Variants in NUDCD1 observed in about 807,000 individuals in gnomAD.
NUDCD1 encodes NudC domain containing 1, also known as nudC domain-containing protein 1.
Under a neutral mutation model 67.8 loss-of-function variants are expected in NUDCD1, and 60 were observed. The observed-to-expected ratio is 0.88, with a 90% CI of 0.72 to 1.10. The LOEUF (loss-of-function observed/expected upper bound fraction) is 1.10, where lower values mean the gene tolerates loss of function less well. NUDCD1 is among the 50% of genes least tolerant of loss of function. The pLI is 0.00. For synonymous variants in NUDCD1, 244 were observed against 230.8 expected (o/e 1.06, Z -0.52); for missense variants, 643 against 695.0 (o/e 0.93, Z 0.84).
intron 7 of NUDCD1, among the ~76,000 whole-genome samples, chr8:109,272,017 G>C (rs1323182909): frequency 6.6e-6 from 1 of 151,414 alleles, no homozygotes; most frequent in Admixed American, 6.6e-5. Flanking sequence ...TTTATCACCA[G>C]CAAATCTACA....
At chr8:109,320,782 G>A (rs1815515610) in intron 2 of NUDCD1, among the ~76,000 whole-genome samples, 1 of 152,192 alleles carries the variant, frequency 6.6e-6, no homozygotes, top group African/African-American at 2.4e-5. Context: ...GCTAATATAT[G>A]TCCATGAAAT....
At chr8:109,327,351 C>T (rs1283905890) in intron 1 of NUDCD1, among the ~76,000 whole-genome samples, 1 of 152,152 alleles carries the variant, frequency 6.6e-6, no homozygotes, top group African/African-American at 2.4e-5. Context: ...TTATAGTCAA[C>T]TCTACATAAA....
At chr8:109,307,495 T>A (rs111695443) in intron 2 of NUDCD1, among the ~76,000 whole-genome samples, 7 of 152,190 alleles carry the variant, frequency 4.6e-5, no homozygotes, top group African/African-American at 1.4e-4. Context: ...GAGCTCTACA[T>A]CTTGAAACAA....
rs1813466989 is a variant in NUDCD1, at chr8:109,245,303, CAA to C, written c.1459+17_1459+18del. On this transcript the variant is annotated intron_variant, in intron 9 of 9. Transcript: ENST00000239690. ...GTATTTCTGATTTCATGGAAAATGT[CAA>C]AGAGTTTGCTTTATACCTAAAGCAT... 2.5e-6 allele frequency: 4 copies of C among 1,589,354 alleles called. No homozygotes were observed. Among genetic ancestry groups the C allele is most frequent in the Admixed American group, 1.8e-5 (1 of 55,514 alleles).
chr8:109,327,611 T>A lies in NUDCD1; in HGVS notation c.119-5148A>T, dbSNP rs144837205. ...AATTGTACCAAAACATTGACAAGCT[T>A]CAGTCGAAATATGCAATGTATTTAC... On this transcript the variant is annotated intron_variant, in intron 1 of 9. Coordinates refer to ENST00000239690, the MANE Select transcript of NUDCD1 (RefSeq NM_032869.4). Among the ~76,000 whole-genome samples the A allele has an allele frequency of 4.9e-3, 747 of 152,334 alleles. 4 individuals carry two copies. The highest frequency in any genetic ancestry group is 7.5e-3 in the Non-Finnish European group (510 of 68,024).
At chr8:109,333,334 G>C (rs1272210589) in intron 1 of NUDCD1, among the ~76,000 whole-genome samples, 2 of 152,212 alleles carry the variant, frequency 1.3e-5, no homozygotes, top group Non-Finnish European at 2.9e-5. Context: ...AGGAGTAGCA[G>C]TGTGGGAGTA....
intron 2 of NUDCD1, among the ~76,000 whole-genome samples, chr8:109,314,955 C>A (rs778318998): frequency 1.3e-5 from 2 of 151,884 alleles, no homozygotes; most frequent in Non-Finnish European, 2.9e-5. Context: ...AAAAAATAAG[C>A]AAGTGGGGAT....
At chr8:109,326,360 A>G (rs1815682176) in intron 1 of NUDCD1, among the ~76,000 whole-genome samples, 2 of 152,214 alleles carry the variant, frequency 1.3e-5, no homozygotes, top group South Asian at 2.1e-4. Flanking sequence ...TCACATGATG[A>G]TGACCATGTC....
At chr8:109,317,815 C>T (rs995932559) in intron 2 of NUDCD1, among the ~76,000 whole-genome samples, 2 of 152,176 alleles carry the variant, frequency 1.3e-5, no homozygotes, top group African/African-American at 4.8e-5. Flanking sequence ...CATTTTCACA[C>T]ACCTTGCTTT....
chr8:109,260,223 T>G (rs2129911836), intron 8 of NUDCD1, among the ~76,000 whole-genome samples: 1 of 152,350 alleles, frequency 6.6e-6, no homozygotes, highest in South Asian at 2.1e-4. Flanking sequence ...AAGGTCTCAC[T>G]CTGTTGTAGG....
intron 1 of NUDCD1, among the ~76,000 whole-genome samples, chr8:109,333,489 G>T (rs1815865035): frequency 6.6e-6 from 1 of 152,178 alleles, no homozygotes; most frequent in African/African-American, 2.4e-5. Flanking sequence ...AGGAACTGGG[G>T]GTCCTCCAAG....
At chr8:109,315,104 G>A (rs1186857003) in intron 2 of NUDCD1, 1 of 152,088 alleles carries the variant, frequency 6.6e-6, no homozygotes, top group African/African-American at 2.4e-5. Context: ...TTATTTGGAA[G>A]AAAGAACATA....
At position 109,289,869 on chromosome 8, in the gene NUDCD1, A is replaced by G. The variant is rs752866738; in HGVS notation, c.705T>C (p.Ala235=). 5.2e-6 allele frequency: 8 copies of G among 1,551,612 alleles called. No individual in the cohort carries two copies. Among genetic ancestry groups the G allele is most frequent in the Non-Finnish European group, 6.9e-6 (8 of 1,151,782 alleles). ...GACCATTTCCATCAGGCTCAATAGC[A>G]GCATAATGTGGCACTGACTTTCCAC... is the stretch of plus-strand genomic sequence containing the variant. The part of the protein sequence containing the change: ...ILRGKSVPHY[A]AIEPDGNGLM... Residue 235 remains alanine, a synonymous_variant, in exon 5 of 10, where the codon GCT becomes GCC. Transcript: ENST00000239690.
chr8:109,300,512 A>G (rs1390005984), intron 2 of NUDCD1, among the ~76,000 whole-genome samples: 1 of 152,194 alleles, frequency 6.6e-6, no homozygotes, highest in Non-Finnish European at 1.5e-5. Flanking sequence ...CAGAGCTCGA[A>G]GACAAGGTCT....
At chr8:109,329,601 A>G (rs1259235677) in intron 1 of NUDCD1, among the ~76,000 whole-genome samples, 4 of 152,218 alleles carry the variant, frequency 2.6e-5, no homozygotes, top group Non-Finnish European at 5.9e-5. Flanking sequence ...TAGAATGCAG[A>G]AGGAGCAGAG....
intron 6 of NUDCD1, among the ~76,000 whole-genome samples, chr8:109,280,348 TTCTTGCCTAGGC>T (rs1263487976): frequency 7.2e-5 from 11 of 152,338 alleles, no homozygotes; most frequent in Admixed American, 5.2e-4. Flanking sequence ...GGGTTTTCTC[TTCTTGCCTAGGC>T]TGGTCACAAA....
intron 8 of NUDCD1, among the ~76,000 whole-genome samples, chr8:109,269,972 C>T (rs1217108878): frequency 1.4e-5 from 2 of 140,728 alleles, no homozygotes; most frequent in Non-Finnish European, 3.0e-5. Context: ...AAATCTACAT[C>T]TACTGCACCA....
rs189449606 is a variant in NUDCD1 at position 109,301,489 on chromosome 8, C to G, written c.274-4920G>C. On this transcript the variant is annotated intron_variant, in intron 2 of 9. Coordinates refer to ENST00000239690, the MANE Select transcript of NUDCD1 (RefSeq NM_032869.4). The stretch of plus-strand genomic sequence containing the variant: ...GTTTGGTGGTCTCTTTACACAGATG[C>G]GCCAGACATTTGGTGCCGAAGACCC... Among the ~76,000 whole-genome samples, 241 of 152,308 alleles carry G rather than the reference C, an allele frequency of 1.6e-3. 3 individuals are homozygous for G. The highest frequency in any genetic ancestry group is 4.7e-3 in the African/African-American group (195 of 41,574).
At chr8:109,252,643 C>A (rs1467252515) in intron 8 of NUDCD1, among the ~76,000 whole-genome samples, 3 of 152,180 alleles carry the variant, frequency 2.0e-5, no homozygotes. Context: ...CACACCACGT[C>A]TTTAGCAATC....
Sources: gnomAD v4.1 joint callset for allele counts (sites outside exome capture counted in the v4.1 genomes callset) on GRCh38, gnomAD v4.1.1 for gene constraint, MANE v1.5 for transcripts, NCBI Gene and HGNC (gene_info 2026-07-23, HGNC 2026-07-21) for gene names.